FBXL2: variants seen among roughly 807,000 people sequenced by gnomAD.
FBXL2 encodes the protein F-box/LRR-repeat protein 2.
FBXL2 carries 38 observed loss-of-function variants against 69.2 expected under a neutral mutation model. The ratio of observed to expected loss-of-function variants is 0.55; its 90% CI spans 0.42 to 0.72. The LOEUF (loss-of-function observed/expected upper bound fraction) is 0.72, where lower values mean the gene tolerates loss of function less well. Among genes scored for constraint, FBXL2 ranks in the 30% least tolerant of loss-of-function variants. The probability of loss-of-function intolerance (pLI) is 0.00; values close to 1 mark genes in which losing one functional copy is unlikely to be tolerated. For missense variants in FBXL2, 354 were observed against 520.3 expected (o/e 0.68, Z 3.11); for synonymous variants, 192 against 201.3 (o/e 0.95, Z 0.39).
At chr3:33,366,396 G>A (rs574865893) in intron 5 of FBXL2, among the ~76,000 whole-genome samples, 22 of 152,284 alleles carry the variant, frequency 1.4e-4, no homozygotes, top group African/African-American at 5.1e-4. Flanking sequence ...GGTGTGTTCA[G>A]TGGCTGACAT....
In FBXL2 at chr3:33,342,703, T is replaced by C. The variant is rs553576740; in HGVS notation, c.66-16264T>C. Among the ~76,000 whole-genome samples, 14 of 131,928 alleles carry C rather than the reference T, an allele frequency of 1.1e-4. No individual in the cohort carries two copies. The South Asian group carries it at 3.6e-3, about 34-fold the overall frequency. The allele number at this position is 131,928 out of a possible 152,430, so 86.5% of individuals were successfully genotyped here. A position where few individuals can be genotyped will look rare whatever the true frequency, so the allele number is the denominator to read the frequency against. On this transcript the variant is annotated intron_variant, in intron 2 of 14. Transcript: ENST00000484457. ...AGCCATTAGATTCTTGCAAAACAAA[T>C]ATAACTTCTTTTTTTTTTTTTTTTT...
intron 2 of FBXL2, among the ~76,000 whole-genome samples, chr3:33,357,943 T>A (rs1168043031): frequency 6.6e-6 from 1 of 152,196 alleles, no homozygotes; most frequent in African/African-American, 2.4e-5. Flanking sequence ...GCAGTCAGTA[T>A]CCCATGGTAC....
chr3:33,390,394 T>C, downstream of FBXL2: 1 of 1,613,994 alleles, frequency 6.2e-7, no homozygotes, highest in Non-Finnish European at 8.5e-7. Flanking sequence ...AGACAGTATT[T>C]CTTCAGTCAG....
chr3:33,304,418 T>G (rs1412653448), intron 2 of FBXL2, among the ~76,000 whole-genome samples: 1 of 152,164 alleles, frequency 6.6e-6, no homozygotes, highest in Non-Finnish European at 1.5e-5. Context: ...ATATGGTATA[T>G]TCTTAGAAAT....
the FBXL2 span, among the ~76,000 whole-genome samples, chr3:33,418,284 C>T: frequency 1.3e-5 from 2 of 152,118 alleles, no homozygotes; most frequent in South Asian, 2.1e-4. Flanking sequence ...CAGGGAGCTT[C>T]GTTCTGTCGC....
intron 2 of FBXL2, among the ~76,000 whole-genome samples, chr3:33,327,767 T>G (rs2038816632): frequency 6.6e-6 from 1 of 151,898 alleles, no homozygotes; most frequent in African/African-American, 2.4e-5. Flanking sequence ...TAAAGGCTTT[T>G]TCTCTAAGAT....
chr3:33,338,535 G>T (rs1403129321), intron 2 of FBXL2, among the ~76,000 whole-genome samples: 1 of 152,098 alleles, frequency 6.6e-6, no homozygotes, highest in African/African-American at 2.4e-5. Context: ...TATACTGCAA[G>T]GCTACAATAA....
Position 33,385,813 on chromosome 3 carries a change from G to C in FBXL2, c.*205G>C. 1.7e-6 allele frequency: 1 copy of C among 579,608 alleles called. No individual in the cohort carries two copies. The highest frequency in any genetic ancestry group is 3.1e-6 in the Non-Finnish European group (1 of 324,382). 35.9% of individuals were successfully genotyped at this position (579,608 alleles called of 1,614,324 possible). ...TGTGAAACAATCAAATCAAAGCCTTGTGTCAGTTAACACATGACAAGTGGT... is the reference window on the plus strand; with the variant it reads ...TGTGAAACAATCAAATCAAAGCCTTCTGTCAGTTAACACATGACAAGTGGT... On this transcript the variant is annotated 3_prime_UTR_variant, in exon 15 of 15. Coordinates refer to ENST00000484457, the MANE Select transcript of FBXL2 (RefSeq NM_012157.5).
At position 33,378,748 on chromosome 3, in the gene FBXL2, CTGAG is replaced by C; in HGVS notation, c.951+9_951+12del. ...TCCTAAACTGCAAGCCCTGGTGAGT[CTGAG>C]TTTTTCTGACATTATTCACCTGTTA... is the stretch of plus-strand genomic sequence containing the variant. On this transcript the variant is annotated splice_region_variant and intron_variant, in intron 13 of 14. Coordinates refer to ENST00000484457, the MANE Select transcript of FBXL2 (RefSeq NM_012157.5). 6.2e-7 allele frequency: 1 copy of C among 1,614,084 alleles called. No homozygotes were observed. Among genetic ancestry groups the C allele is most frequent in the African/African-American group, 1.3e-5 (1 of 75,038 alleles).
chr3:33,349,108 C>T (rs572536407), intron 2 of FBXL2, among the ~76,000 whole-genome samples: 1 of 152,220 alleles, frequency 6.6e-6, no homozygotes, highest in South Asian at 2.1e-4. Flanking sequence ...CCCTTTATTT[C>T]TTTCCCTTAT....
chr3:33,340,576 TAAAAAAAAAA>T (rs111348589), intron 2 of FBXL2, among the ~76,000 whole-genome samples: 1 of 110,124 alleles, frequency 9.1e-6, no homozygotes, highest in Non-Finnish European at 1.8e-5. Flanking sequence ...TTATTTTGAT[TAAAAAAAAAA>T]AAAAAAAAAA....
intron 2 of FBXL2, among the ~76,000 whole-genome samples, chr3:33,328,586 A>G (rs1158130540): frequency 6.6e-6 from 1 of 152,192 alleles, no homozygotes; most frequent in Non-Finnish European, 1.5e-5. Context: ...CACCAAGAAC[A>G]TAAAATGGGG....
At chr3:33,283,634 T>G (rs1051754668) in intron 1 of FBXL2, among the ~76,000 whole-genome samples, 1 of 152,226 alleles carries the variant, frequency 6.6e-6, no homozygotes, top group Non-Finnish European at 1.5e-5. Context: ...TACGAGCTCC[T>G]CTTTGTACCT....
At chr3:33,374,965 A>G (rs1015166011) in intron 9 of FBXL2, among the ~76,000 whole-genome samples, 2 of 152,184 alleles carry the variant, frequency 1.3e-5, no homozygotes, top group Non-Finnish European at 2.9e-5. Context: ...ATGAGTTTAT[A>G]AATTTTATGA....
downstream of FBXL2, chr3:33,390,354 C>T (rs778640869): frequency 4.1e-5 from 66 of 1,613,970 alleles, no homozygotes; most frequent in Non-Finnish European, 5.4e-5. Flanking sequence ...ATGTGGATGC[C>T]ATCACTACTT....
At position 33,303,108 on chromosome 3, in the gene FBXL2, A is replaced by G. The variant is rs780210215; in HGVS notation, c.65+5383A>G. 5 of 456,536 alleles carry G rather than the reference A, an allele frequency of 1.1e-5. 1 individual carries two copies. Among genetic ancestry groups the G allele is most frequent in the South Asian group, 6.2e-5 (4 of 64,566 alleles). 28.3% of individuals were successfully genotyped at this position (456,536 alleles called of 1,614,324 possible). A position where few individuals can be genotyped will look rare whatever the true frequency, so the allele number is the denominator to read the frequency against. ...GGCTTTTTAAAGGACTGCTGCCTCTATTTCCTGCTGTCTGTGGTGCCTGCT... is the reference window on the plus strand; with the variant it reads ...GGCTTTTTAAAGGACTGCTGCCTCTGTTTCCTGCTGTCTGTGGTGCCTGCT... On this transcript the variant is annotated intron_variant, in intron 2 of 14. Transcript: ENST00000484457.
intron 2 of FBXL2, among the ~76,000 whole-genome samples, chr3:33,335,644 T>C (rs1395004941): frequency 1.3e-5 from 2 of 152,220 alleles, no homozygotes; most frequent in Non-Finnish European, 2.9e-5. Context: ...AAAAGGGACG[T>C]ATTTCATGTA....
At chr3:33,405,516 AG>A (rs1457229096), downstream of FBXL2, among the ~76,000 whole-genome samples, 1 of 152,240 alleles carries the variant, frequency 6.6e-6, no homozygotes, top group African/African-American at 2.4e-5. Flanking sequence ...GAAAGGTGCA[AG>A]TATATCCTTT....
At chr3:33,329,678 T>C (rs536540531) in intron 2 of FBXL2, among the ~76,000 whole-genome samples, 2 of 152,344 alleles carry the variant, frequency 1.3e-5, no homozygotes, top group South Asian at 2.1e-4. Context: ...AAATATTGCA[T>C]GTTCTCACTC....
Sources: allele counts gnomAD v4.1 joint callset (sites outside exome capture counted in the v4.1 genomes callset), GRCh38; gene constraint gnomAD v4.1.1; transcripts MANE v1.5; gene names NCBI Gene and HGNC (gene_info 2026-07-23, HGNC 2026-07-21).